Variants in ZMAT4 observed in about 807,000 individuals in gnomAD.
The protein encoded by ZMAT4 is zinc finger matrin-type 4.
A neutral mutation model predicts 28.7 loss-of-function variants in ZMAT4; 17 were observed. The ratio of observed to expected loss-of-function variants is 0.59; its 90% CI spans 0.41 to 0.89. The LOEUF (loss-of-function observed/expected upper bound fraction) is 0.89. Ranked by LOEUF, ZMAT4 falls within the 40% of genes least tolerant of loss-of-function variation. The pLI is 0.00. For missense variants in ZMAT4, 240 were observed against 283.8 expected (o/e 0.85, Z 1.11); for synonymous variants, 117 against 109.2 (o/e 1.07, Z -0.44).
At chr8:40,800,471 T>C (rs1401961315) in intron 2 of ZMAT4, among the ~76,000 whole-genome samples, 1 of 152,128 alleles carries the variant, frequency 6.6e-6, no homozygotes, top group Non-Finnish European at 1.5e-5. Flanking sequence ...TGCATCAAAA[T>C]AAGCCACATT....
At chr8:40,544,868 T>G (rs1803150570) in intron 6 of ZMAT4, among the ~76,000 whole-genome samples, 1 of 152,198 alleles carries the variant, frequency 6.6e-6, no homozygotes, top group South Asian at 2.1e-4. Flanking sequence ...CAAAGGTCCC[T>G]GAATCCTGGG....
At chr8:40,871,447 A>G (rs1817854472) in intron 1 of ZMAT4, among the ~76,000 whole-genome samples, 1 of 152,244 alleles carries the variant, frequency 6.6e-6, no homozygotes, top group Non-Finnish European at 1.5e-5. Flanking sequence ...GGCACCAGAA[A>G]AAAAGACAGC....
intron 1 of ZMAT4, among the ~76,000 whole-genome samples, chr8:40,849,330 G>A (rs909717835): frequency 1.3e-5 from 2 of 152,126 alleles, no homozygotes; most frequent in African/African-American, 4.8e-5. Flanking sequence ...CTTCCCTTCT[G>A]CCTTTCTGAG....
chr8:40,600,561 G>A (rs1339440220), intron 5 of ZMAT4, among the ~76,000 whole-genome samples: 1 of 152,144 alleles, frequency 6.6e-6, no homozygotes, highest in Non-Finnish European at 1.5e-5. Context: ...CTAATCTCAA[G>A]AAGAGGAAGT....
intron 6 of ZMAT4, among the ~76,000 whole-genome samples, chr8:40,568,316 G>C (rs762149336): frequency 1.3e-5 from 2 of 152,236 alleles, no homozygotes; most frequent in Middle Eastern, 3.4e-3. Flanking sequence ...TGAATATCAA[G>C]CTTGAAACTG....
At chr8:40,576,005 C>T (rs1208521166) in intron 6 of ZMAT4, among the ~76,000 whole-genome samples, 1 of 151,612 alleles carries the variant, frequency 6.6e-6, no homozygotes, top group Non-Finnish European at 1.5e-5. Flanking sequence ...ATGACAAATT[C>T]AATGAATAAA....
intron 3 of ZMAT4, among the ~76,000 whole-genome samples, chr8:40,699,596 G>GCACACACACACA (rs10681965): frequency 0.026 from 3,931 of 149,694 alleles, 84 homozygotes; most frequent in Non-Finnish European, 0.038. Context: ...AAATGTAAAT[G>GCACACACACACA]CACACACACA....
intron 4 of ZMAT4, among the ~76,000 whole-genome samples, chr8:40,694,595 C>T (rs1809793876): frequency 6.6e-6 from 1 of 152,138 alleles, no homozygotes; most frequent in Admixed American, 6.5e-5. Context: ...ATCAGGCCTT[C>T]AACCCTTAAC....
intron 5 of ZMAT4, among the ~76,000 whole-genome samples, chr8:40,607,322 G>T (rs920001556): frequency 2.6e-5 from 4 of 151,774 alleles, no homozygotes; most frequent in Middle Eastern, 3.4e-3. Flanking sequence ...ACGGTGAGAC[G>T]GGGTTTCACC....
intron 1 of ZMAT4, among the ~76,000 whole-genome samples, chr8:40,836,501 A>G (rs1816494812): frequency 6.6e-6 from 1 of 152,220 alleles, no homozygotes; most frequent in Non-Finnish European, 1.5e-5. Context: ...TAATCAGCCC[A>G]AAAGCACACC....
At chr8:40,710,367 A>T (rs1365245084) in intron 3 of ZMAT4, among the ~76,000 whole-genome samples, 1 of 152,126 alleles carries the variant, frequency 6.6e-6, no homozygotes, top group East Asian at 1.9e-4. Context: ...GTCTTTGTGA[A>T]CCAACATACT....
chr8:40,541,784 GTCTC>G (rs1803038459), intron 6 of ZMAT4, among the ~76,000 whole-genome samples: 1 of 152,202 alleles, frequency 6.6e-6, no homozygotes, highest in African/African-American at 2.4e-5. Flanking sequence ...AATAATTTGT[GTCTC>G]TCTCTCAAAC....
At chr8:40,653,887 G>A (rs1386587290) in intron 5 of ZMAT4, among the ~76,000 whole-genome samples, 2 of 152,122 alleles carry the variant, frequency 1.3e-5, no homozygotes, top group African/African-American at 4.8e-5. Context: ...CAGGAAAAGA[G>A]GAAATGCTTC....
At chr8:40,894,346 C>G (rs1016006092) in intron 1 of ZMAT4, among the ~76,000 whole-genome samples, 2 of 152,178 alleles carry the variant, frequency 1.3e-5, no homozygotes, top group African/African-American at 4.8e-5. Flanking sequence ...TCCACAATTC[C>G]TGATGTCCCC....
chr8:40,590,889 A>G (rs973980816), intron 5 of ZMAT4, among the ~76,000 whole-genome samples: 4 of 152,132 alleles, frequency 2.6e-5, no homozygotes, highest in Admixed American at 2.6e-4. Context: ...TTCCATCTCA[A>G]TGAGTTCTAC....
intron 6 of ZMAT4, among the ~76,000 whole-genome samples, chr8:40,541,643 T>A (rs1221244814): frequency 6.6e-6 from 1 of 152,172 alleles, no homozygotes; most frequent in East Asian, 1.9e-4. Flanking sequence ...TCTGGGCTAG[T>A]GTCACTGAAA....
chr8:40,802,679 GAA>G (rs1044806132), intron 2 of ZMAT4, among the ~76,000 whole-genome samples: 2 of 152,042 alleles, frequency 1.3e-5, no homozygotes, highest in African/African-American at 4.8e-5. Flanking sequence ...ATCAAAATCT[GAA>G]AAAGTTATTT....
intron 3 of ZMAT4, among the ~76,000 whole-genome samples, chr8:40,763,902 A>T (rs1813036608): frequency 6.6e-6 from 1 of 152,182 alleles, no homozygotes; most frequent in Non-Finnish European, 1.5e-5. Context: ...TCTTAACCCC[A>T]CATAAAAATA....
chr8:40,754,399 T>G (rs4481581), intron 3 of ZMAT4, among the ~76,000 whole-genome samples: 148,147 of 152,146 alleles, frequency 0.97, 72,239 homozygotes, highest in East Asian at 1. Flanking sequence ...ATTCTAGGCA[T>G]AAGTTATAAC....
Sources: gnomAD v4.1 joint callset for allele counts (sites outside exome capture counted in the v4.1 genomes callset) on GRCh38, gnomAD v4.1.1 for gene constraint, MANE v1.5 for transcripts, NCBI Gene and HGNC (gene_info 2026-07-23, HGNC 2026-07-21) for gene names.